The following ERC2 variants were observed in gnomAD, a reference collection of about 807,000 sequenced individuals.
ERC2 encodes the protein ERC protein 2.
In ERC2, 42 loss-of-function variants were observed where a neutral mutation model predicts 114.8. The ratio of observed to expected loss-of-function variants is 0.37; its 90% CI spans 0.29 to 0.47. The LOEUF (loss-of-function observed/expected upper bound fraction) is 0.47, where lower values mean the gene tolerates loss of function less well. ERC2 is among the 20% of genes least tolerant of loss of function. ERC2 has a pLI of 0.99. For synonymous variants in ERC2, 454 were observed against 425.5 expected (o/e 1.07, Z -0.82); for missense variants, 939 against 1,150.7 (o/e 0.82, Z 2.66).
In ERC2 at chr3:55,994,503, A is replaced by G. The variant is rs562530526; in HGVS notation, c.2062-2253T>C. Among the ~76,000 whole-genome samples the G allele has an allele frequency of 2.6e-5, 4 of 152,240 alleles. No individual in the cohort carries two copies. In the South Asian group the frequency reaches 8.3e-4, roughly 32 times the overall value. ...GCCTAAAAACCATGAAAACTACAAA[A>G]TGACAAACACGGGGGGAGATATTAC... On this transcript the variant is annotated intron_variant, in intron 10 of 17. Transcript: ENST00000288221.
intron 14 of ERC2, among the ~76,000 whole-genome samples, chr3:55,785,791 G>A (rs4955884): frequency 0.33 from 50,153 of 152,038 alleles, 10,137 homozygotes; most frequent in African/African-American, 0.57. Context: ...CTCCTGCCCC[G>A]CTGAGTTCAA....
At chr3:55,721,068 G>A (rs2064520582) in intron 15 of ERC2, among the ~76,000 whole-genome samples, 1 of 152,220 alleles carries the variant, frequency 6.6e-6, no homozygotes, top group African/African-American at 2.4e-5. Context: ...CTTCTTCACT[G>A]TTGCCTTTGA....
chr3:55,525,875 G>T (rs2053279836), intron 17 of ERC2, among the ~76,000 whole-genome samples: 1 of 152,170 alleles, frequency 6.6e-6, no homozygotes, highest in Non-Finnish European at 1.5e-5. Flanking sequence ...CAATTCCTTG[G>T]GTGGTGTCAG....
At chr3:56,409,116 G>A (rs2060840703) in intron 2 of ERC2, among the ~76,000 whole-genome samples, 1 of 152,182 alleles carries the variant, frequency 6.6e-6, no homozygotes. Flanking sequence ...TCGCTCACTG[G>A]GCCAGAGGCG....
chr3:56,234,501 G>A (rs1289322447), intron 3 of ERC2, among the ~76,000 whole-genome samples: 1 of 152,202 alleles, frequency 6.6e-6, no homozygotes, highest in Non-Finnish European at 1.5e-5. Context: ...AAAGGTCTTG[G>A]CCCACAGTTC....
At chr3:55,743,007 C>T (rs948813492) in intron 14 of ERC2, among the ~76,000 whole-genome samples, 4 of 152,168 alleles carry the variant, frequency 2.6e-5, no homozygotes, top group African/African-American at 9.7e-5. Context: ...AAGAACAGAC[C>T]AGATTCGTAA....
chr3:55,594,425 G>A (rs2058040056), intron 17 of ERC2, among the ~76,000 whole-genome samples: 1 of 151,492 alleles, frequency 6.6e-6, no homozygotes, highest in Admixed American at 6.6e-5. Context: ...ATCTCCTAGT[G>A]GCTGAAAGTG....
At chr3:56,323,883 C>G (rs372551020) in intron 2 of ERC2, among the ~76,000 whole-genome samples, 1 of 152,112 alleles carries the variant, frequency 6.6e-6, no homozygotes, top group Non-Finnish European at 1.5e-5. Context: ...GTGAAGCACT[C>G]GCAAGATTCT....
At position 55,950,645 on chromosome 3, in the gene ERC2, T is replaced by C. The variant is rs567408561; in HGVS notation, c.2268-85A>G. 184 of 1,444,870 alleles carry C rather than the reference T, an allele frequency of 1.3e-4. No homozygotes were observed. The African/African-American group carries it at 2.5e-3, about 19-fold the overall frequency. The allele number at this position is 1,444,870 out of a possible 1,614,324, so 89.5% of individuals were successfully genotyped here. A position where few individuals can be genotyped will look rare whatever the true frequency, so the allele number is the denominator to read the frequency against. On this transcript the variant is annotated intron_variant, in intron 12 of 17. Coordinates refer to ENST00000288221, the MANE Select transcript of ERC2 (RefSeq NM_015576.3). The stretch of plus-strand genomic sequence containing the variant: ...AAATAGATTCAGGAAGTACTAAGTA[T>C]AGGCTATCTGGATAAGGGCTTGGGA...
At chr3:56,288,806 G>A (rs1560528004) in intron 3 of ERC2, among the ~76,000 whole-genome samples, 1 of 152,142 alleles carries the variant, frequency 6.6e-6, no homozygotes, top group East Asian at 1.9e-4. Flanking sequence ...ACTAGCATCA[G>A]TCAATGAAAA....
Position 56,335,297 on chromosome 3 carries a change from C to T in ERC2, c.658-38862G>A, listed in dbSNP as rs2057798713. ...AAAGAAGCAACTGAAAACTCACTTC[C>T]TCTCAGGGTCCTACCTTTCCTCAAG... is the stretch of plus-strand genomic sequence containing the variant. On this transcript the variant is annotated intron_variant, in intron 2 of 17. Coordinates refer to ENST00000288221, the MANE Select transcript of ERC2 (RefSeq NM_015576.3). Among the ~76,000 whole-genome samples the T allele has an allele frequency of 1.3e-5, 2 of 152,210 alleles. 1 individual carries two copies. Among genetic ancestry groups the T allele is most frequent in the South Asian group, 4.1e-4 (2 of 4,832 alleles).
At chr3:55,897,422 C>T (rs550289036) in intron 13 of ERC2, among the ~76,000 whole-genome samples, 1 of 152,350 alleles carries the variant, frequency 6.6e-6, no homozygotes, top group East Asian at 1.9e-4. Flanking sequence ...CAGACAGGCT[C>T]TTCTGAGTTA....
intron 6 of ERC2, among the ~76,000 whole-genome samples, chr3:56,098,511 G>A (rs546508391): frequency 3.3e-5 from 5 of 152,296 alleles, no homozygotes; most frequent in African/African-American, 7.2e-5. Flanking sequence ...AAATATGTTC[G>A]TGTCCATTTA....
At chr3:55,949,444 ATGTAAAGGG>A in intron 13 of ERC2, among the ~76,000 whole-genome samples, 1 of 152,018 alleles carries the variant, frequency 6.6e-6, no homozygotes, top group East Asian at 1.9e-4. Context: ...TCAAGCATCA[ATGTAAAGGG>A]CCTTCAGTGA....
intron 14 of ERC2, among the ~76,000 whole-genome samples, chr3:55,783,072 T>C (rs946033372): frequency 6.6e-6 from 1 of 152,132 alleles, no homozygotes; most frequent in African/African-American, 2.4e-5. Context: ...CTTACAGTTG[T>C]CCCCGGAGGT....
chr3:56,294,045 C>A (rs2150353065), intron 3 of ERC2, among the ~76,000 whole-genome samples: 1 of 152,352 alleles, frequency 6.6e-6, no homozygotes, highest in East Asian at 1.9e-4. Flanking sequence ...CTTTTTCCAA[C>A]TATAGTGATC....
chr3:55,515,696 G>A (rs1559582304), intron 17 of ERC2, among the ~76,000 whole-genome samples: 1 of 151,990 alleles, frequency 6.6e-6, no homozygotes, highest in South Asian at 2.1e-4. Flanking sequence ...TCTAGGTGGG[G>A]GTGTGTGAGG....
chr3:56,059,152 G>A (rs1519029), intron 7 of ERC2, among the ~76,000 whole-genome samples: 36,888 of 151,210 alleles, frequency 0.24, 5,290 homozygotes, highest in Admixed American at 0.32. Flanking sequence ...GTGCAGTGGC[G>A]CCATCTCGGC....
intron 8 of ERC2, among the ~76,000 whole-genome samples, chr3:56,014,520 C>A (rs1417988148): frequency 6.6e-6 from 1 of 152,090 alleles, no homozygotes; most frequent in South Asian, 2.1e-4. Context: ...CCAGGTGATG[C>A]AACTGTCAAG....
Sources: allele counts gnomAD v4.1 joint callset (sites outside exome capture counted in the v4.1 genomes callset), GRCh38; gene constraint gnomAD v4.1.1; transcripts MANE v1.5; gene names NCBI Gene and HGNC (gene_info 2026-07-23, HGNC 2026-07-21).